Variants in GAK observed in about 807,000 individuals in gnomAD.
GAK encodes the protein cyclin-G-associated kinase.
A neutral mutation model predicts 143.9 loss-of-function variants in GAK; 79 were observed. The ratio of observed to expected loss-of-function variants is 0.55; its 90% CI spans 0.46 to 0.66. The LOEUF (loss-of-function observed/expected upper bound fraction) is 0.66. Ranked by LOEUF, GAK falls within the 30% of genes least tolerant of loss-of-function variation. The pLI is 0.00. For synonymous variants in GAK, 881 were observed against 765.5 expected (o/e 1.15, Z -2.49); for missense variants, 1,693 against 1,779.7 (o/e 0.95, Z 0.88).
chr4:867,468 C>CCA, intron 20 of GAK, 36 bp from the exon 21 acceptor site: 1 of 1,468,288 alleles, frequency 6.8e-7, no homozygotes, highest in South Asian at 1.4e-5. Flanking sequence ...GCTAGTGAGA[C>CCA]CACACGGCCA....
At chr4:909,455 T>A (rs1455773312) in intron 4 of GAK, among the ~76,000 whole-genome samples, 1 of 151,346 alleles carries the variant, frequency 6.6e-6, no homozygotes, top group African/African-American at 2.4e-5. Context: ...AAGGGCCGGG[T>A]GCGACGTGTC....
intron 20 of GAK, among the ~76,000 whole-genome samples, chr4:867,761 C>T (rs1025258810): frequency 6.6e-6 from 1 of 152,204 alleles, no homozygotes; most frequent in Admixed American, 6.5e-5. Context: ...CACCAATGTC[C>T]CCATGGCACG....
At position 860,668 on chromosome 4, in the gene GAK, C is replaced by T. The variant is rs1322724513; in HGVS notation, c.3167-946G>A. 3.9e-5 allele frequency among the ~76,000 whole-genome samples: 6 copies of T among 151,980 alleles called. No homozygotes were observed. In the South Asian group the frequency reaches 6.2e-4, roughly 16 times the overall value. ...ACGTCCTGAAGCGCACTTGAGGGGA[C>T]GGGCACCCAGGCCCTGGCGCACCTC... On this transcript the variant is annotated intron_variant, in intron 23 of 27. Transcript: ENST00000314167.
At chr4:885,089 TC>T in intron 11 of GAK, among the ~76,000 whole-genome samples, 2 of 151,894 alleles carry the variant, frequency 1.3e-5, no homozygotes, top group East Asian at 3.9e-4. Flanking sequence ...ATGCGGGTCT[TC>T]CGTGCGTTCA....
rs769317923 is a variant in GAK at position 867,137 on chromosome 4, G to A, written c.2691C>T (p.Pro897=). Residue 897 remains proline (P), a synonymous_variant, in exon 21 of 28, where the codon CCC becomes CCT. Transcript: ENST00000314167. ...TGGAGGGGGCCTTGCAGGCCTGCGGGGGTACAGCTGGCCCTGCGCCCACCT... is the reference window on the plus strand; with the variant it reads ...TGGAGGGGGCCTTGCAGGCCTGCGGAGGTACAGCTGGCCCTGCGCCCACCT... ...HSEVGAGPAV[P]PQACKAPSSN... The A allele has an allele frequency of 4.2e-5, 66 of 1,589,372 alleles. 3 individuals carry two copies. The South Asian group carries it at 6.8e-4, about 16-fold the overall frequency.
intron 18 of GAK, among the ~76,000 whole-genome samples, chr4:873,123 G>C (rs1019259207): frequency 1.3e-5 from 2 of 152,238 alleles, no homozygotes; most frequent in Admixed American, 1.3e-4. Context: ...TGGAATTACA[G>C]CTGTAAGCCA....
chr4:917,743 A>C (rs572848346), intron 1 of GAK, among the ~76,000 whole-genome samples: 5 of 152,386 alleles, frequency 3.3e-5, no homozygotes, highest in Admixed American at 6.5e-5. Flanking sequence ...ACACATACAT[A>C]CATGACATGT....
intron 24 of GAK, among the ~76,000 whole-genome samples, chr4:858,655 A>T (rs976141585): frequency 6.6e-6 from 1 of 151,894 alleles, no homozygotes; most frequent in Admixed American, 6.6e-5. Flanking sequence ...AGACGAAAAA[A>T]CTCTTGGGAC....
intron 11 of GAK, chr4:886,108 G>A (rs548291112): frequency 1.3e-5 from 2 of 152,374 alleles, no homozygotes; most frequent in South Asian, 4.1e-4. Flanking sequence ...TTGCTTCTAA[G>A]TCAACTTTAC....
intron 1 of GAK, among the ~76,000 whole-genome samples, chr4:916,094 C>T (rs1345338748): frequency 6.6e-6 from 1 of 152,056 alleles, no homozygotes; most frequent in Non-Finnish European, 1.5e-5. Flanking sequence ...GATATAAGCA[C>T]AAAAGCAGGA....
intron 24 of GAK, among the ~76,000 whole-genome samples, chr4:856,685 TCAC>T (rs1364529475): frequency 5.4e-5 from 8 of 149,012 alleles, no homozygotes; most frequent in Admixed American, 2.7e-4. Context: ...TCACACCTGC[TCAC>T]CACAGCTGCC....
intron 4 of GAK, among the ~76,000 whole-genome samples, chr4:907,415 C>T (rs1721274340): frequency 6.6e-6 from 1 of 152,174 alleles, no homozygotes; most frequent in Non-Finnish European, 1.5e-5. Context: ...ATGGGGTGCT[C>T]AGAAAGAGAG....
intron 9 of GAK, among the ~76,000 whole-genome samples, chr4:892,601 G>GC (rs1717892341): frequency 6.6e-6 from 1 of 152,200 alleles, no homozygotes; most frequent in South Asian, 2.1e-4. Context: ...CCCTGATGCT[G>GC]CCAGCAGCCA....
rs756677609 is a variant in GAK at position 876,629 on chromosome 4, G to A, written c.1975-20C>T. ...TGCCATCTGCAAAGAGAGCAAACAC[G>A]ACACCCCACGTGGAGGGTGAATCCA... On this transcript the variant is annotated intron_variant, in intron 17 of 27. Coordinates refer to ENST00000314167, the MANE Select transcript of GAK (RefSeq NM_005255.4). The A allele has an allele frequency of 2.1e-5, 34 of 1,607,096 alleles. No individual in the cohort carries two copies. The highest frequency in any genetic ancestry group is 4.0e-5 in the African/African-American group (3 of 74,782).
In GAK at chr4:911,763, T is replaced by C. The variant is rs765247006; in HGVS notation, c.292A>G (p.Ile98Val). Residue 98 changes from isoleucine (I) to valine (V), a missense_variant, in exon 4 of 28, where the codon ATT becomes GTT. Around this residue, in one of 2 missense-constraint regions of GAK, gnomAD observed 871 missense variants for 991.0 expected, o/e 0.88. Coordinates refer to ENST00000314167, the MANE Select transcript of GAK (RefSeq NM_005255.4). ...FMKKLSGHPN[I>V]VQFCSAASIG... ...GACGCTGCAGAACAAAACTGGACAATGTTCGGGTGGCCGGAAAGCTTTTTC... is the reference window on the plus strand; with the variant it reads ...GACGCTGCAGAACAAAACTGGACAACGTTCGGGTGGCCGGAAAGCTTTTTC... 4.3e-6 allele frequency: 7 copies of C among 1,613,914 alleles called. No homozygotes were observed. Among genetic ancestry groups the C allele is most frequent in the Middle Eastern group, 1.6e-4 (1 of 6,062 alleles).
In GAK at chr4:883,430, G is replaced by T. The variant is rs764484783; in HGVS notation, c.1289C>A (p.Ala430Glu). Residue 430 changes from alanine to glutamate, a missense_variant, in exon 13 of 28, where the codon GCG becomes GAG. By Grantham distance (107) the Ala-to-Glu change is moderately radical. Around this residue, in one of 2 missense-constraint regions of GAK, gnomAD observed 871 missense variants for 991.0 expected, o/e 0.88. Coordinates refer to ENST00000314167, the MANE Select transcript of GAK (RefSeq NM_005255.4). ...CACATCTTCGATGTTGTTTTTGAGCGCTGACTCCACACCTTCTGCTGGGAA... is the reference window on the plus strand; with the variant it reads ...CACATCTTCGATGTTGTTTTTGAGCTCTGACTCCACACCTTCTGCTGGGAA... ...MSFPAEGVES[A>E]LKNNIEDVRL... is the part of the protein sequence containing the mutation. The T allele has an allele frequency of 6.2e-7, 1 of 1,613,712 alleles. No homozygotes were observed. The highest frequency in any genetic ancestry group is 1.3e-5 in the African/African-American group (1 of 75,058).
In GAK at chr4:893,890, G is replaced by A. The variant is rs1461171155; in HGVS notation, c.861C>T (p.Val287=). The A allele has an allele frequency of 3.7e-6, 6 of 1,601,836 alleles. No homozygotes were observed. The highest frequency in any genetic ancestry group is 1.7e-5 in the Admixed American group (1 of 59,118). The part of the protein sequence containing the change: ...SIPPHDTQYT[V]FHSLIRAMLQ... ...GGGACTTACGGATGAGGCTGTGGAA[G>A]ACCGTGTACTGCGTGTCGTGCGGGG... Residue 287 remains valine (V), a synonymous_variant, in exon 8 of 28, where the codon GTC becomes GTT. Transcript: ENST00000314167.
chr4:916,403 C>A (rs916557708), intron 1 of GAK, among the ~76,000 whole-genome samples: 8 of 152,156 alleles, frequency 5.3e-5, no homozygotes, highest in Non-Finnish European at 2.9e-5. Flanking sequence ...TACAGGCATG[C>A]GTCACCACAC....
At chr4:895,140 C>T (rs781685685) in intron 7 of GAK, among the ~76,000 whole-genome samples, 2 of 152,218 alleles carry the variant, frequency 1.3e-5, no homozygotes, top group Non-Finnish European at 2.9e-5. Flanking sequence ...TCCTTGGCAA[C>T]AGCAGAGACC....
Sources: allele counts gnomAD v4.1 joint callset (sites outside exome capture counted in the v4.1 genomes callset), GRCh38; gene constraint gnomAD v4.1.1; regional missense constraint gnomAD v4.1.1; transcripts MANE v1.5; gene names NCBI Gene and HGNC (gene_info 2026-07-23, HGNC 2026-07-21).